Variants in PHF5A observed in about 807,000 individuals in gnomAD.
PHF5A encodes the protein PHD finger-like domain-containing protein 5A.
For synonymous variants in PHF5A, 52 were observed against 46.0 expected, an observed-to-expected ratio of 1.13 and a Z score of -0.52; for missense variants, 24 against 140.6, an observed-to-expected ratio of 0.17 and a Z score of 4.19.
chr22:41,466,742 G>A (rs2037868969), intron 3 of PHF5A, among the ~76,000 whole-genome samples: 3 of 152,162 alleles, frequency 2.0e-5, no homozygotes, highest in Admixed American at 2.0e-4. Context: ...TGTAATCCCA[G>A]CACTTGGTGA....
intron 1 of PHF5A, 86 bp downstream of exon 1, chr22:41,468,516 C>G (rs910438088): frequency 2.8e-6 from 4 of 1,448,044 alleles, no homozygotes; most frequent in Admixed American, 1.8e-5. Flanking sequence ...GCGAGGCAAG[C>G]CCCTAAGGAA....
At chr22:41,467,895 A>AG in intron 2 of PHF5A, 2 of 610,764 alleles carry the variant, frequency 3.3e-6, no homozygotes, top group South Asian at 4.0e-5. Context: ...TGTGTTGGGG[A>AG]GGGGTCATGC....
At chr22:41,460,616 G>A (rs1168220461) in intron 3 of PHF5A, 129 bp from the exon 4 acceptor site, 2 of 556,632 alleles carry the variant, frequency 3.6e-6, no homozygotes, top group Non-Finnish European at 6.1e-6. Flanking sequence ...GCCGAGGCAG[G>A]AGGATTGCTG....
intron 3 of PHF5A, among the ~76,000 whole-genome samples, chr22:41,465,792 A>G (rs2037861872): frequency 1.3e-5 from 2 of 152,176 alleles, no homozygotes; most frequent in African/African-American, 2.4e-5. Context: ...AGGCAGGAGA[A>G]TCGCTTGAAC....
chr22:41,467,379 G>T lies in PHF5A; in HGVS notation c.243+69C>A, dbSNP rs1468984058. 2.1e-6 allele frequency: 3 copies of T among 1,459,870 alleles called. No homozygotes were observed. The African/African-American group carries it at 4.2e-5, about 20-fold the overall frequency. The allele number at this position is 1,459,870 out of a possible 1,614,324, so 90.4% of individuals were successfully genotyped here. ...ACAGTAATCTCCATAGACCATAGGA[G>T]ATTGCAGTGGATGGCAAAGTGTTAC... On this transcript the variant is annotated intron_variant, in intron 3 of 3. Transcript: ENST00000216252.
At position 41,467,624 on chromosome 22, in the gene PHF5A, A is replaced by C; in HGVS notation, c.77-10T>G. 1 of 1,613,884 alleles carries C rather than the reference A, an allele frequency of 6.2e-7. No homozygotes were observed. The highest frequency in any genetic ancestry group is 8.5e-7 in the Non-Finnish European group (1 of 1,179,814). ...ACACACTTGCCATCACCTGTAAGGA[A>C]GAGAATGGAGTCATGCTCACAAGTT... On this transcript the variant is annotated splice_polypyrimidine_tract_variant and intron_variant, in intron 2 of 3. Transcript: ENST00000216252.
intron 1 of PHF5A, 118 bp downstream of exon 1, chr22:41,468,482 TGA>T (rs1418802001): frequency 8.5e-7 from 1 of 1,171,376 alleles, no homozygotes; most frequent in South Asian, 1.3e-5. Flanking sequence ...ACCCCGCGCC[TGA>T]GAGGCGGGAA....
At chr22:41,468,414 G>A (rs1206655029) in intron 1 of PHF5A, 188 bp downstream of exon 1, 2 of 671,742 alleles carry the variant, frequency 3.0e-6, no homozygotes, top group Non-Finnish European at 2.5e-6. Flanking sequence ...GGGGCTCCCA[G>A]CACGCGCACC....
intron 2 of PHF5A, 156 bp downstream of exon 2, chr22:41,467,968 T>A: frequency 1.4e-6 from 1 of 715,014 alleles, no homozygotes. Context: ...CAAGCGGCAG[T>A]GGGGAGTTAG....
chr22:41,463,988 C>T (rs2037846782), intron 3 of PHF5A, among the ~76,000 whole-genome samples: 1 of 152,214 alleles, frequency 6.6e-6, no homozygotes, highest in Non-Finnish European at 1.5e-5. Flanking sequence ...CTTAACATCT[C>T]TAAGCCTTAG....
chr22:41,460,588 C>T (rs1026251651), intron 3 of PHF5A, 101 bp from the exon 4 acceptor site: 2 of 813,692 alleles, frequency 2.5e-6, no homozygotes, highest in Admixed American at 2.5e-5. Flanking sequence ...TGCCTTTAGT[C>T]CCAGCTACTA....
rs191483313 is a variant in PHF5A at position 41,460,139 on chromosome 22, C to T, written c.*259G>A. ...CAATATGGAGAACAGATCTTTGCTT[C>T]TCGAATTCAAGAAAAACCATTAACT... On this transcript the variant is annotated 3_prime_UTR_variant, in exon 4 of 4. Transcript: ENST00000216252. 1.5e-4 allele frequency: 46 copies of T among 302,722 alleles called. No individual in the cohort carries two copies. The East Asian group carries it at 2.5e-3, about 16-fold the overall frequency. 18.8% of individuals were successfully genotyped at this position (302,722 alleles called of 1,614,324 possible). A position where few individuals can be genotyped will look rare whatever the true frequency, so the allele number is the denominator to read the frequency against.
chr22:41,468,520 TA>T, intron 1 of PHF5A, 81 bp downstream of exon 1: 2 of 1,484,196 alleles, frequency 1.3e-6, no homozygotes, highest in Non-Finnish European at 1.9e-6. Context: ...GGCAAGCCCC[TA>T]AGGAAGAGAC....
chr22:41,462,423 C>A (rs2037833725), intron 3 of PHF5A, among the ~76,000 whole-genome samples: 1 of 152,192 alleles, frequency 6.6e-6, no homozygotes, highest in Admixed American at 6.5e-5. Flanking sequence ...ATTTTAGGAT[C>A]TCCTAGAAAA....
intron 3 of PHF5A, among the ~76,000 whole-genome samples, chr22:41,464,434 G>A (rs923387922): frequency 2.0e-5 from 3 of 152,216 alleles, no homozygotes; most frequent in Non-Finnish European, 4.4e-5. Context: ...TGAGAGCCTG[G>A]ATCATGTCAC....
chr22:41,463,825 C>T (rs771702326), intron 3 of PHF5A, among the ~76,000 whole-genome samples: 4 of 149,372 alleles, frequency 2.7e-5, no homozygotes, highest in Non-Finnish European at 5.9e-5. Context: ...ACCTGGGAGG[C>T]GGAGATTGTA....
rs1156453278 is a variant in PHF5A at position 41,459,759 on chromosome 22, G to C, written c.*639C>G. 1.3e-5 allele frequency: 2 copies of C among 151,944 alleles called. No homozygotes were observed. The highest frequency in any genetic ancestry group is 2.4e-5 in the African/African-American group (1 of 41,370). The allele number at this position is 151,944 out of a possible 1,614,324, so 9.4% of individuals were successfully genotyped here. A position where few individuals can be genotyped will look rare whatever the true frequency, so the allele number is the denominator to read the frequency against. ...CAACTTTATTAATATAATAGCAACAGAAAGAGTTTCCAATTTCTCAAAAGG... is the reference window on the plus strand; with the variant it reads ...CAACTTTATTAATATAATAGCAACACAAAGAGTTTCCAATTTCTCAAAAGG... On this transcript the variant is annotated 3_prime_UTR_variant, in exon 4 of 4. Coordinates refer to ENST00000216252, the MANE Select transcript of PHF5A (RefSeq NM_032758.4).
intron 3 of PHF5A, among the ~76,000 whole-genome samples, chr22:41,462,975 G>T (rs1487627953): frequency 6.6e-6 from 1 of 151,510 alleles, no homozygotes; most frequent in Non-Finnish European, 1.5e-5. Context: ...CTGGGTTCAA[G>T]CAATTCTCCT....
intron 2 of PHF5A, 31 bp downstream of exon 2, chr22:41,468,093 G>C (rs778752488): frequency 6.2e-7 from 1 of 1,612,972 alleles, no homozygotes; most frequent in Non-Finnish European, 8.5e-7. Flanking sequence ...AGTGGGAAGG[G>C]TGGGTTGTTG....
Sources: gnomAD v4.1 joint callset for allele counts (sites outside exome capture counted in the v4.1 genomes callset) on GRCh38, gnomAD v4.1.1 for gene constraint, MANE v1.5 for transcripts, NCBI Gene and HGNC (gene_info 2026-07-23, HGNC 2026-07-21) for gene names.